The following NRXN3 variants were observed in gnomAD, a reference collection of about 807,000 sequenced individuals.
NRXN3 encodes the protein neurexin 3.
Under a neutral mutation model 137.6 loss-of-function variants are expected in NRXN3, and 32 were observed. That is an observed-to-expected ratio of 0.23 (90% confidence interval 0.18 to 0.31). NRXN3 has a LOEUF of 0.31. Ranked by LOEUF, NRXN3 falls within the 10% of genes least tolerant of loss-of-function variation. The pLI, the probability that NRXN3 is intolerant of heterozygous loss-of-function variation, is 1.00. For missense variants in NRXN3, 1,574 were observed against 2,062.5 expected, an observed-to-expected ratio of 0.76 and a Z score of 4.59; for synonymous variants, 798 against 784.5, an observed-to-expected ratio of 1.02 and a Z score of -0.29.
chr14:79,826,638 GAC>G (rs1338632401), intron 20 of NRXN3, among the ~76,000 whole-genome samples: 4 of 152,058 alleles, frequency 2.6e-5, no homozygotes. Context: ...ATGTAATCTT[GAC>G]ACAAAATCTC....
chr14:79,694,353 G>T (rs550055785), intron 18 of NRXN3, among the ~76,000 whole-genome samples: 9 of 152,082 alleles, frequency 5.9e-5, no homozygotes, highest in African/African-American at 2.2e-4. Flanking sequence ...TAAGCAGTAT[G>T]TGAACTTGAT....
chr14:78,172,706 T>G (rs759644279), intron 1 of NRXN3, among the ~76,000 whole-genome samples: 1 of 152,190 alleles, frequency 6.6e-6, no homozygotes, highest in East Asian at 1.9e-4. Context: ...GCAACAGGGC[T>G]GGGTTTATTT....
intron 15 of NRXN3, among the ~76,000 whole-genome samples, chr14:79,318,530 C>A (rs764538154): frequency 4.6e-5 from 7 of 152,190 alleles, no homozygotes; most frequent in Non-Finnish European, 1.0e-4. Flanking sequence ...AGCATCATCA[C>A]CAAGATTCTA....
At chr14:79,671,959 T>C (rs1329750733) in intron 17 of NRXN3, among the ~76,000 whole-genome samples, 2 of 152,058 alleles carry the variant, frequency 1.3e-5, no homozygotes, top group East Asian at 3.9e-4. Flanking sequence ...AAACATTAGG[T>C]TAATACATAG....
intron 15 of NRXN3, among the ~76,000 whole-genome samples, chr14:79,177,900 G>A (rs1049543231): frequency 6.6e-6 from 1 of 152,144 alleles, no homozygotes; most frequent in Non-Finnish European, 1.5e-5. Context: ...CATGATAAAA[G>A]ATAAAGGATG....
intron 15 of NRXN3, among the ~76,000 whole-genome samples, chr14:79,044,796 A>G (rs906190649): frequency 1.6e-4 from 24 of 150,406 alleles, no homozygotes; most frequent in Non-Finnish European, 3.2e-4. Context: ...TCTTTGGCCA[A>G]ATCCGGGGCT....
At chr14:78,746,536 A>G (rs2098608268) in intron 8 of NRXN3, among the ~76,000 whole-genome samples, 1 of 152,308 alleles carries the variant, frequency 6.6e-6, no homozygotes, top group South Asian at 2.1e-4. Flanking sequence ...GAGTGTCTTG[A>G]TGTGTCAAAA....
At chr14:79,358,024 A>G (rs1337477702) in intron 15 of NRXN3, among the ~76,000 whole-genome samples, 1 of 152,098 alleles carries the variant, frequency 6.6e-6, no homozygotes, top group East Asian at 1.9e-4. Context: ...CTTGGTTTGG[A>G]AGTGTTTGCT....
intron 15 of NRXN3, among the ~76,000 whole-genome samples, chr14:79,179,602 T>A (rs2062707612): frequency 6.6e-6 from 1 of 152,306 alleles, no homozygotes; most frequent in South Asian, 2.1e-4. Context: ...TTATAGCAAT[T>A]CTTAACTTGC....
intron 4 of NRXN3, among the ~76,000 whole-genome samples, chr14:78,487,568 C>G (rs536996148): frequency 1.4e-4 from 22 of 151,984 alleles, no homozygotes; most frequent in Non-Finnish European, 2.6e-4. Context: ...CATGGTGAAA[C>G]CCCGTCTCTA....
chr14:78,862,429 A>G (rs2099075018), intron 10 of NRXN3, among the ~76,000 whole-genome samples: 1 of 152,080 alleles, frequency 6.6e-6, no homozygotes, highest in African/African-American at 2.4e-5. Flanking sequence ...ATTTAGCTTA[A>G]GGTTAGTAAA....
chr14:78,921,099 C>T (rs61994010), intron 10 of NRXN3, among the ~76,000 whole-genome samples: 1 of 152,188 alleles, frequency 6.6e-6, no homozygotes, highest in South Asian at 2.1e-4. Flanking sequence ...TGTAATCAGT[C>T]CTCATCCTAA....
intron 4 of NRXN3, among the ~76,000 whole-genome samples, chr14:78,337,825 C>T (rs1303435798): frequency 6.6e-6 from 1 of 152,066 alleles, no homozygotes; most frequent in Non-Finnish European, 1.5e-5. Context: ...TTTGGAGGAA[C>T]CAGAGATGAA....
chr14:78,458,257 G>T (rs941792886), intron 4 of NRXN3, among the ~76,000 whole-genome samples: 3 of 152,184 alleles, frequency 2.0e-5, no homozygotes, highest in Non-Finnish European at 4.4e-5. Flanking sequence ...AGAGCCCTTT[G>T]CTCAGAGGAC....
At chr14:78,896,107 A>C (rs934457516) in intron 10 of NRXN3, among the ~76,000 whole-genome samples, 5 of 151,900 alleles carry the variant, frequency 3.3e-5, no homozygotes, top group African/African-American at 1.2e-4. Context: ...GGTTGCCCCA[A>C]ACCATCAATT....
intron 19 of NRXN3, among the ~76,000 whole-genome samples, chr14:79,788,792 C>T (rs778634824): frequency 3.3e-5 from 5 of 151,948 alleles, no homozygotes; most frequent in Admixed American, 2.0e-4. Context: ...TATTGAGTTG[C>T]GATGCTAAAG....
At chr14:79,322,679 T>C (rs187965950) in intron 15 of NRXN3, among the ~76,000 whole-genome samples, 3 of 152,294 alleles carry the variant, frequency 2.0e-5, no homozygotes, top group African/African-American at 7.2e-5. Flanking sequence ...ATTAAATAAA[T>C]AAGCACAATC....
At chr14:78,887,730 A>G (rs1482894780) in intron 10 of NRXN3, among the ~76,000 whole-genome samples, 2 of 152,156 alleles carry the variant, frequency 1.3e-5, no homozygotes, top group East Asian at 3.9e-4. Flanking sequence ...TCCTGGAAAG[A>G]AGAAAGAAAT....
chr14:79,692,088 AAAAC>A (rs2098718938), intron 17 of NRXN3, 81 bp from the exon 18 acceptor site: 4 of 1,064,362 alleles, frequency 3.8e-6, no homozygotes, highest in Non-Finnish European at 5.4e-6. Flanking sequence ...AAAACTTCAT[AAAAC>A]AAACCAAAAA....
Sources: allele counts gnomAD v4.1 joint callset (sites outside exome capture counted in the v4.1 genomes callset), GRCh38; gene constraint gnomAD v4.1.1; transcripts MANE v1.5; gene names NCBI Gene and HGNC (gene_info 2026-07-23, HGNC 2026-07-21).